Variants in SCFD2 observed in about 807,000 individuals in gnomAD.
SCFD2 encodes sec1 family domain-containing protein 2.
A neutral mutation model predicts 58.9 loss-of-function variants in SCFD2; 54 were observed. The ratio of observed to expected loss-of-function variants is 0.92; its 90% CI spans 0.74 to 1.15. The LOEUF (loss-of-function observed/expected upper bound fraction) is 1.15, where lower values mean the gene tolerates loss of function less well. Among genes scored for constraint, SCFD2 ranks in the 50% most tolerant of loss-of-function variants. SCFD2 has a pLI of 0.00. For synonymous variants in SCFD2, 321 were observed against 335.9 expected, an observed-to-expected ratio of 0.96 and a Z score of 0.49; for missense variants, 805 against 836.6, an observed-to-expected ratio of 0.96 and a Z score of 0.47.
At chr4:53,361,847 A>G (rs1272648353) in intron 1 of SCFD2, among the ~76,000 whole-genome samples, 4 of 152,210 alleles carry the variant, frequency 2.6e-5, no homozygotes. Flanking sequence ...TGATTCAAGA[A>G]TCTCGGAAAC....
chr4:53,075,930 G>A (rs893392659), intron 5 of SCFD2, among the ~76,000 whole-genome samples: 3 of 152,140 alleles, frequency 2.0e-5, no homozygotes, highest in African/African-American at 7.2e-5. Flanking sequence ...GCTAGACACA[G>A]GGTTGCCAGA....
At chr4:52,947,567 C>G (rs1720464641) in intron 5 of SCFD2, among the ~76,000 whole-genome samples, 1 of 152,032 alleles carries the variant, frequency 6.6e-6, no homozygotes, top group African/African-American at 2.4e-5. Context: ...GGTATTGGCA[C>G]AGGGATAGAC....
At chr4:53,057,593 T>C (rs1306339053) in intron 5 of SCFD2, among the ~76,000 whole-genome samples, 1 of 151,970 alleles carries the variant, frequency 6.6e-6, no homozygotes, top group African/African-American at 2.4e-5. Context: ...GACGGGTCAA[T>C]AGGTGCAGCA....
chr4:53,100,588 T>C (rs1361399441), intron 5 of SCFD2, among the ~76,000 whole-genome samples: 1 of 152,186 alleles, frequency 6.6e-6, no homozygotes, highest in East Asian at 1.9e-4. Flanking sequence ...ATTCTTATTA[T>C]TAAAAAGTTG....
chr4:53,240,570 G>A (rs1449581262), intron 4 of SCFD2, among the ~76,000 whole-genome samples: 2 of 152,118 alleles, frequency 1.3e-5, no homozygotes, highest in African/African-American at 4.8e-5. Flanking sequence ...GACCAAAGGG[G>A]CAACTAATAC....
At chr4:53,170,587 G>T (rs528740685) in intron 4 of SCFD2, among the ~76,000 whole-genome samples, 1 of 152,142 alleles carries the variant, frequency 6.6e-6, no homozygotes, top group Non-Finnish European at 1.5e-5. Flanking sequence ...TTGGAAATTT[G>T]ATAGAAATTG....
At chr4:53,345,799 G>A (rs952550097) in intron 2 of SCFD2, among the ~76,000 whole-genome samples, 2 of 152,116 alleles carry the variant, frequency 1.3e-5, no homozygotes, top group African/African-American at 4.8e-5. Context: ...CCTTTTCAGG[G>A]ACATGGATAA....
intron 3 of SCFD2, among the ~76,000 whole-genome samples, chr4:53,301,753 A>G (rs1273675916): frequency 6.6e-6 from 1 of 152,156 alleles, no homozygotes; most frequent in East Asian, 1.9e-4. Context: ...CTTATCCACC[A>G]TGATCAAGTG....
Position 52,924,969 on chromosome 4 carries a change from C to T in SCFD2, c.1562-4099G>A, listed in dbSNP as rs191565621. 3.3e-3 allele frequency among the ~76,000 whole-genome samples: 502 copies of T among 152,152 alleles called. 2 individuals are homozygous for T. Among genetic ancestry groups the T allele is most frequent in the Non-Finnish European group, 5.2e-3 (355 of 68,004 alleles). On this transcript the variant is annotated intron_variant, in intron 5 of 8. Transcript: ENST00000401642. ...CTGTTAAATGGGGTGAATTATTTTC[C>T]GTGATAATAGTAGTATATAAGCGCC...
chr4:53,098,813 G>A (rs768792235), intron 5 of SCFD2, among the ~76,000 whole-genome samples: 17 of 151,770 alleles, frequency 1.1e-4, no homozygotes, highest in Non-Finnish European at 2.2e-4. Flanking sequence ...ACACATGCAC[G>A]CACACATTCT....
At chr4:53,320,581 C>T (rs1024158554) in intron 2 of SCFD2, among the ~76,000 whole-genome samples, 25 of 152,164 alleles carry the variant, frequency 1.6e-4, no homozygotes, top group African/African-American at 5.1e-4. Flanking sequence ...TGCACCACTG[C>T]ACTCCAGCCT....
At chr4:53,122,360 G>C (rs1232793379) in intron 5 of SCFD2, among the ~76,000 whole-genome samples, 5 of 151,788 alleles carry the variant, frequency 3.3e-5, no homozygotes, top group African/African-American at 1.2e-4. Context: ...CTGGGTGACA[G>C]AGCGAGACTC....
At chr4:53,035,112 G>T (rs1163370901) in intron 5 of SCFD2, among the ~76,000 whole-genome samples, 1 of 152,126 alleles carries the variant, frequency 6.6e-6, no homozygotes, top group Non-Finnish European at 1.5e-5. Context: ...GCATGGTACT[G>T]GTACCAAAAC....
At chr4:53,326,288 G>A (rs1375126758) in intron 2 of SCFD2, among the ~76,000 whole-genome samples, 2 of 151,988 alleles carry the variant, frequency 1.3e-5, no homozygotes, top group Non-Finnish European at 2.9e-5. Flanking sequence ...GACAACAGGC[G>A]CATGCCCCCA....
intron 7 of SCFD2, among the ~76,000 whole-genome samples, chr4:52,907,079 C>T (rs555035755): frequency 2.6e-5 from 4 of 152,166 alleles, no homozygotes; most frequent in African/African-American, 9.7e-5. Context: ...CATCATCCTA[C>T]ATAATCAGTT....
intron 5 of SCFD2, among the ~76,000 whole-genome samples, chr4:53,095,451 C>A (rs956082344): frequency 6.6e-6 from 1 of 152,092 alleles, no homozygotes; most frequent in Non-Finnish European, 1.5e-5. Context: ...ACCTCCTTCA[C>A]CACTACCATC....
intron 5 of SCFD2, among the ~76,000 whole-genome samples, chr4:52,966,279 A>G (rs1445459055): frequency 1.3e-5 from 2 of 152,222 alleles, no homozygotes; most frequent in African/African-American, 4.8e-5. Flanking sequence ...TCAACTGATT[A>G]TACGTGTGTT....
intron 4 of SCFD2, among the ~76,000 whole-genome samples, chr4:53,225,284 G>A (rs1729170062): frequency 6.6e-6 from 1 of 152,066 alleles, no homozygotes; most frequent in Non-Finnish European, 1.5e-5. Flanking sequence ...ATTATTATTT[G>A]ATAATCTTTG....
intron 5 of SCFD2, among the ~76,000 whole-genome samples, chr4:53,111,229 T>C (rs1370900662): frequency 3.3e-5 from 5 of 151,956 alleles, no homozygotes; most frequent in Non-Finnish European, 7.4e-5. Flanking sequence ...GAGAAATACA[T>C]AAGGTAGGTG....
Sources: gnomAD v4.1 joint callset for allele counts (sites outside exome capture counted in the v4.1 genomes callset) on GRCh38, gnomAD v4.1.1 for gene constraint, MANE v1.5 for transcripts, NCBI Gene and HGNC (gene_info 2026-07-23, HGNC 2026-07-21) for gene names.